Variants in BTBD9 observed in about 807,000 individuals in gnomAD.
BTBD9 encodes the protein BTB domain containing 9, also known as BTB/POZ domain-containing protein 9.
In BTBD9, 49 loss-of-function variants were observed where a neutral mutation model predicts 64.3. The observed-to-expected ratio is 0.76, with a 90% CI of 0.61 to 0.97. The LOEUF is 0.97. Ranked by LOEUF, BTBD9 falls within the 50% of genes least tolerant of loss-of-function variation. The pLI, the probability that BTBD9 is intolerant of heterozygous loss-of-function variation, is 0.00. For missense variants in BTBD9, 598 were observed against 762.1 expected, an observed-to-expected ratio of 0.78 and a Z score of 2.53; for synonymous variants, 260 against 274.7, an observed-to-expected ratio of 0.95 and a Z score of 0.53.
intron 6 of BTBD9, among the ~76,000 whole-genome samples, chr6:38,387,584 G>T (rs1766233146): frequency 6.6e-6 from 1 of 151,718 alleles, no homozygotes; most frequent in South Asian, 2.1e-4. Context: ...AAATAAATAA[G>T]ACCAAAGCCA....
chr6:38,443,811 TA>T, intron 6 of BTBD9, among the ~76,000 whole-genome samples: 1 of 152,154 alleles, frequency 6.6e-6, no homozygotes, highest in East Asian at 1.9e-4. Context: ...TCATCAAAAT[TA>T]CTAAACAGTC....
At chr6:38,389,503 T>C (rs1241343092) in intron 6 of BTBD9, among the ~76,000 whole-genome samples, 1 of 152,230 alleles carries the variant, frequency 6.6e-6, no homozygotes, top group Non-Finnish European at 1.5e-5. Context: ...TGGCGTTGGG[T>C]GTTCACTTTC....
intron 9 of BTBD9, among the ~76,000 whole-genome samples, chr6:38,198,363 G>A (rs1762339174): frequency 6.6e-6 from 1 of 152,146 alleles, no homozygotes; most frequent in South Asian, 2.1e-4. Context: ...GAGGACAGGA[G>A]AGCCACCGGA....
Position 38,564,760 on chromosome 6 carries a change from TAG to T in BTBD9, c.1154+12838_1154+12839del, listed in dbSNP as rs1562346376. ...AAACAAAATTAGCTGGGCGTGGTGG[TAG>T]GCACCTGTAATCCCAGCTACTCGGG... On this transcript the variant is annotated intron_variant, in intron 6 of 10. Transcript: ENST00000481247. Among the ~76,000 whole-genome samples, 44 of 151,854 alleles carry T rather than the reference TAG, an allele frequency of 2.9e-4. No homozygotes were observed. The East Asian group carries it at 8.5e-3, about 29-fold the overall frequency.
At chr6:38,630,167 G>A (rs186145340) in intron 1 of BTBD9, among the ~76,000 whole-genome samples, 16 of 144,768 alleles carry the variant, frequency 1.1e-4, no homozygotes, top group African/African-American at 2.6e-4. Context: ...TGGTGCCACC[G>A]CACTCCTGGG....
At chr6:38,443,111 G>C (rs553804177) in intron 6 of BTBD9, among the ~76,000 whole-genome samples, 1 of 152,300 alleles carries the variant, frequency 6.6e-6, no homozygotes, top group South Asian at 2.1e-4. Context: ...GTGGTGGTAT[G>C]ACTTTGTAAC....
intron 9 of BTBD9, among the ~76,000 whole-genome samples, chr6:38,234,345 C>T (rs1763708133): frequency 6.6e-6 from 1 of 152,192 alleles, no homozygotes. Context: ...GGAGCTATCA[C>T]CCTGCAGCTG....
At position 38,358,710 on chromosome 6, in the gene BTBD9, C is replaced by A. The variant is rs1031961271; in HGVS notation, c.1155-13617G>T. ...TGTTTGTTTGTTTGCTTTCCTGAGTCATTCAATGACTCAGACAGGATTTAA... is the reference window on the plus strand; with the variant it reads ...TGTTTGTTTGTTTGCTTTCCTGAGTAATTCAATGACTCAGACAGGATTTAA... On this transcript the variant is annotated intron_variant, in intron 6 of 10. Coordinates refer to ENST00000481247, the MANE Select transcript of BTBD9 (RefSeq NM_001099272.2). Among the ~76,000 whole-genome samples, 6 of 151,860 alleles carry A rather than the reference C, an allele frequency of 4.0e-5. No homozygotes were observed. The East Asian group carries it at 1.2e-3, about 29-fold the overall frequency.
At chr6:38,297,831 C>T (rs1762213866) in intron 7 of BTBD9, among the ~76,000 whole-genome samples, 1 of 150,092 alleles carries the variant, frequency 6.7e-6, no homozygotes, top group Non-Finnish European at 1.5e-5. Flanking sequence ...GCCCATTCTG[C>T]TCCAGTTTTC....
chr6:38,490,541 A>G (rs1490281561), intron 6 of BTBD9, among the ~76,000 whole-genome samples: 1 of 152,000 alleles, frequency 6.6e-6, no homozygotes, highest in Non-Finnish European at 1.5e-5. Flanking sequence ...GCTGATCTCG[A>G]ACTCCTGACC....
chr6:38,617,720 G>A (rs143294728), intron 1 of BTBD9, among the ~76,000 whole-genome samples: 33 of 152,278 alleles, frequency 2.2e-4, no homozygotes, highest in East Asian at 1.2e-3. Flanking sequence ...GACAAAAGAC[G>A]TCACTGTTCC....
chr6:38,353,552 A>T (rs1764606552), intron 6 of BTBD9, among the ~76,000 whole-genome samples: 1 of 152,210 alleles, frequency 6.6e-6, no homozygotes, highest in Non-Finnish European at 1.5e-5. Context: ...AATAATTTTA[A>T]CCAATGTCAT....
Position 38,169,483 on chromosome 6 carries a change from C to T in BTBD9, c.*5502G>A, listed in dbSNP as rs112398564. On this transcript the variant is annotated 3_prime_UTR_variant, in exon 11 of 11. Transcript: ENST00000481247. ...TGGTGGGGAGCAATTTGGCAGCAGA[C>T]GGACTAATATCAACGTCTCCAGTGA... is the stretch of plus-strand genomic sequence containing the variant. 135 of 151,806 alleles carry T rather than the reference C, an allele frequency of 8.9e-4. 3 individuals are homozygous for T. The highest frequency in any genetic ancestry group is 3.4e-3 in the Middle Eastern group (1 of 294). 9.4% of individuals were successfully genotyped at this position (151,806 alleles called of 1,614,324 possible). A position where few individuals can be genotyped will look rare whatever the true frequency, so the allele number is the denominator to read the frequency against.
At chr6:38,481,283 A>G (rs928602018) in intron 6 of BTBD9, among the ~76,000 whole-genome samples, 1 of 152,160 alleles carries the variant, frequency 6.6e-6, no homozygotes, top group African/African-American at 2.4e-5. Flanking sequence ...ATATAATTCA[A>G]ATTAATTCCT....
intron 6 of BTBD9, among the ~76,000 whole-genome samples, chr6:38,487,113 C>A (rs1465927283): frequency 6.6e-6 from 1 of 152,108 alleles, no homozygotes; most frequent in Non-Finnish European, 1.5e-5. Context: ...ACAAAGGACA[C>A]AATATAAAGA....
intron 6 of BTBD9, among the ~76,000 whole-genome samples, chr6:38,511,649 C>T (rs953931251): frequency 6.6e-5 from 10 of 151,936 alleles, no homozygotes; most frequent in South Asian, 2.1e-4. Context: ...GCTGTAAATA[C>T]CTCTGATGTA....
chr6:38,389,173 T>C (rs148915752), intron 6 of BTBD9, among the ~76,000 whole-genome samples: 84 of 152,322 alleles, frequency 5.5e-4, no homozygotes, highest in African/African-American at 1.7e-3. Context: ...ACATATATTA[T>C]ATCTATGGCC....
chr6:38,245,810 A>G (rs999113673), intron 9 of BTBD9, among the ~76,000 whole-genome samples: 2 of 152,250 alleles, frequency 1.3e-5, no homozygotes, highest in East Asian at 3.8e-4. Flanking sequence ...TATAACATTA[A>G]TAAGAAAGTT....
intron 9 of BTBD9, among the ~76,000 whole-genome samples, chr6:38,193,061 TA>T (rs34503862): frequency 3.4e-5 from 5 of 149,224 alleles, no homozygotes; most frequent in African/African-American, 9.9e-5. Context: ...ATAATAATAA[TA>T]AAAAAAAAAG....
Sources: gnomAD v4.1 joint callset for allele counts (sites outside exome capture counted in the v4.1 genomes callset) on GRCh38, gnomAD v4.1.1 for gene constraint, MANE v1.5 for transcripts, NCBI Gene and HGNC (gene_info 2026-07-23, HGNC 2026-07-21) for gene names.